GPR84: variants seen among roughly 807,000 people sequenced by gnomAD.
GPR84 encodes G-protein coupled receptor 84.
GPR84 carries 8 observed loss-of-function variants against 14.9 expected under a neutral mutation model. The observed-to-expected ratio is 0.54, with a 90% CI of 0.31 to 0.97. GPR84 has a LOEUF of 0.97. Among genes scored for constraint, GPR84 ranks in the 50% least tolerant of loss-of-function variants. The probability of loss-of-function intolerance (pLI) is 0.04; values close to 1 mark genes in which losing one functional copy is unlikely to be tolerated. For missense variants in GPR84, 424 were observed against 498.7 expected, an observed-to-expected ratio of 0.85 and a Z score of 1.43; for synonymous variants, 164 against 198.1, an observed-to-expected ratio of 0.83 and a Z score of 1.45.
chr12:54,351,819 CAA>C, the GPR84 span: 6 of 152,194 alleles, frequency 3.9e-5, no homozygotes, highest in African/African-American at 1.2e-4. Context: ...CTGCTCTGTG[CAA>C]AGAGGAATAA....
chr12:54,350,953 A>G, the GPR84 span: 1 of 197,068 alleles, frequency 5.1e-6, no homozygotes. Flanking sequence ...AGAGAAAGAG[A>G]ATTCTTTTCT....
the GPR84 span, among the ~76,000 whole-genome samples, chr12:54,352,258 C>G: frequency 2.0e-5 from 3 of 152,184 alleles, no homozygotes; most frequent in African/African-American, 7.2e-5. Flanking sequence ...TTTATCGGAG[C>G]CAGCGCTGCT....
rs573358974 is a variant in GPR84, at chr12:54,363,639, C to T, written c.213G>A (p.Thr71=). 47 of 1,613,858 alleles carry T rather than the reference C, an allele frequency of 2.9e-5. No homozygotes were observed. In the Admixed American group the frequency reaches 3.3e-4, roughly 11 times the overall value. Residue 71 remains threonine, a synonymous_variant, in exon 2 of 2, where the codon ACG becomes ACA. Transcript: ENST00000267015. The part of the protein sequence containing the change: ...NLTLADLLYC[T]LLQPFSVDTY... ...TGTCCACAGAGAAGGGCTGAAGGAG[C>T]GTGCAGTAGAGGAGATCAGCCAGTG...
chr12:54,361,169 GCTTT>G (rs1418220874), downstream of GPR84, among the ~76,000 whole-genome samples: 1 of 151,316 alleles, frequency 6.6e-6, no homozygotes, highest in Non-Finnish European at 1.5e-5. This position sits in a 1 kb window ranked among gnomAD's most constrained non-coding sequence, Gnocchi z 4.3. Flanking sequence ...TTGTTTTCCT[GCTTT>G]CTTTTTCTTT....
the GPR84 span, among the ~76,000 whole-genome samples, chr12:54,354,197 C>G: frequency 2.0e-5 from 3 of 151,130 alleles, no homozygotes; most frequent in Non-Finnish European, 4.4e-5. Flanking sequence ...TCACTGCAGT[C>G]TCGACCTCCC....
At chr12:54,352,341 C>T in the GPR84 span, among the ~76,000 whole-genome samples, 1 of 152,188 alleles carries the variant, frequency 6.6e-6, no homozygotes, top group African/African-American at 2.4e-5. Context: ...CTGCTCCCCT[C>T]CCCCTCCTCC....
At chr12:54,352,364 A>T in the GPR84 span, among the ~76,000 whole-genome samples, 1 of 151,734 alleles carries the variant, frequency 6.6e-6, no homozygotes, top group African/African-American at 2.4e-5. Flanking sequence ...CTTTATTCGC[A>T]CAAATGAATG....
At chr12:54,352,547 T>C in the GPR84 span, among the ~76,000 whole-genome samples, 2 of 152,098 alleles carry the variant, frequency 1.3e-5, no homozygotes, top group Non-Finnish European at 2.9e-5. Context: ...TCTTCTCCAC[T>C]GCAGTTTGAA....
the GPR84 span, among the ~76,000 whole-genome samples, chr12:54,354,920 C>T: frequency 6.6e-6 from 1 of 152,204 alleles, no homozygotes; most frequent in East Asian, 1.9e-4. Context: ...TTCTCCTTTC[C>T]ATCTATTCTT....
the GPR84 span, among the ~76,000 whole-genome samples, chr12:54,352,394 C>T: frequency 6.6e-6 from 1 of 152,172 alleles, no homozygotes; most frequent in African/African-American, 2.4e-5. Flanking sequence ...TGGCGCAGCG[C>T]CTGGCCCTGC....
chr12:54,362,786 C>T lies in GPR84; in HGVS notation c.1066G>A (p.Ala356Thr), dbSNP rs1356150018. The change falls in exon 2 of 2, where the codon GCC (alanine) becomes ACC (threonine). Residue 356 changes from alanine to threonine, a missense_variant. Coordinates refer to ENST00000267015, the MANE Select transcript of GPR84 (RefSeq NM_020370.3). The surrounding 1 kb of genome is among the most constrained non-coding windows in gnomAD (Gnocchi z 4.0). ...QAPRVVHMLAANLTWLNGCIN... is the reference protein window; with the variant it reads ...QAPRVVHMLATNLTWLNGCIN... ...CAACCATTGAGCCAGGTGAGGTTGG[C>T]AGCAAGCATGTGGACCACCCGGGGA... 6.2e-7 allele frequency: 1 copy of T among 1,614,070 alleles called. No individual in the cohort carries two copies. The highest frequency in any genetic ancestry group is 8.5e-7 in the Non-Finnish European group (1 of 1,180,028).
At chr12:54,359,217 C>T (rs1161556581), downstream of GPR84, among the ~76,000 whole-genome samples, 1 of 152,188 alleles carries the variant, frequency 6.6e-6, no homozygotes, top group African/African-American at 2.4e-5. Flanking sequence ...AGCCATAAAT[C>T]AGGGCCAAGG....
At chr12:54,359,630 GAGAC>G (rs1480145463), downstream of GPR84, among the ~76,000 whole-genome samples, 4 of 152,126 alleles carry the variant, frequency 2.6e-5, no homozygotes, top group Admixed American at 6.6e-5. Context: ...GAGACAAAGA[GAGAC>G]AGACAGTGAC....
chr12:54,361,473 C>T (rs1411675360), downstream of GPR84, among the ~76,000 whole-genome samples: 1 of 152,174 alleles, frequency 6.6e-6, no homozygotes, highest in Non-Finnish European at 1.5e-5. The surrounding 1 kb of genome is among the most constrained non-coding windows in gnomAD (Gnocchi z 4.3). Context: ...CGGGTTCAAG[C>T]GATTCTCCTG....
chr12:54,360,481 C>A (rs929794575), downstream of GPR84, among the ~76,000 whole-genome samples: 1 of 152,126 alleles, frequency 6.6e-6, no homozygotes, highest in Non-Finnish European at 1.5e-5. Flanking sequence ...GTCTCTACAC[C>A]CATAAACTGT....
the GPR84 span, among the ~76,000 whole-genome samples, chr12:54,355,613 A>AT: frequency 3.4e-5 from 5 of 146,218 alleles, no homozygotes; most frequent in African/African-American, 1.3e-4. Flanking sequence ...CCCACCCCCC[A>AT]TGCCTGCCCA....
chr12:54,362,631 T>A lies in GPR84; in HGVS notation c.*30A>T. ...GCCACTTTGGTCCTGGAGGAGACAG[T>A]CCTGAATTCTGGTGACTAGGGTCAC... is the stretch of plus-strand genomic sequence containing the variant. On this transcript the variant is annotated 3_prime_UTR_variant, in exon 2 of 2. Transcript: ENST00000267015. This position sits in a 1 kb window ranked among gnomAD's most constrained non-coding sequence, Gnocchi z 4.0. The A allele has an allele frequency of 2.1e-6, 3 of 1,454,004 alleles. No homozygotes were observed. Among genetic ancestry groups the A allele is most frequent in the Non-Finnish European group, 2.8e-6 (3 of 1,054,458 alleles). The allele number at this position is 1,454,004 out of a possible 1,614,324, so 90.1% of individuals were successfully genotyped here.
the GPR84 span, among the ~76,000 whole-genome samples, chr12:54,352,583 T>G: frequency 6.6e-6 from 1 of 152,058 alleles, no homozygotes; most frequent in Non-Finnish European, 1.5e-5. Context: ...CCTCTGCCGC[T>G]CATAAAATGG....
the GPR84 span, chr12:54,351,607 T>C: frequency 6.6e-6 from 1 of 152,172 alleles, no homozygotes; most frequent in Non-Finnish European, 1.5e-5. Context: ...GAATACTCAC[T>C]CTTGGGTCTA....
Sources: allele counts gnomAD v4.1 joint callset (sites outside exome capture counted in the v4.1 genomes callset), GRCh38; gene constraint gnomAD v4.1.1; non-coding constraint Gnocchi (gnomAD v3.1); transcripts MANE v1.5; gene names NCBI Gene and HGNC (gene_info 2026-07-23, HGNC 2026-07-21).